KCNB2: variants seen among roughly 807,000 people sequenced by gnomAD.
KCNB2 encodes the protein potassium voltage-gated channel subfamily B member 2, also known as delayed rectifier potassium channel protein.
A neutral mutation model predicts 61.5 loss-of-function variants in KCNB2; 15 were observed. The ratio of observed to expected loss-of-function variants is 0.24; its 90% CI spans 0.16 to 0.38. The LOEUF (loss-of-function observed/expected upper bound fraction) is 0.38, where lower values mean the gene tolerates loss of function less well. KCNB2 is among the 10% of genes least tolerant of loss of function. KCNB2 has a pLI of 1.00. For missense variants in KCNB2, 828 were observed against 1,125.2 expected (o/e 0.74, Z 3.78); for synonymous variants, 457 against 446.0 (o/e 1.02, Z -0.31).
chr8:72,633,783 G>A (rs541466386), intron 2 of KCNB2, among the ~76,000 whole-genome samples: 5 of 152,256 alleles, frequency 3.3e-5, no homozygotes, highest in African/African-American at 1.2e-4. Context: ...ACAGCTGAAA[G>A]CATTTATACT....
rs1805944595 is a variant in KCNB2 at position 72,635,230 on chromosome 8, T to G, written c.579+66917T>G. ...CCAAACAAGCTTCCTCTTCCCCTTT[T>G]TGCAGTCGGCTGCAAATCCTGAAGG... On this transcript the variant is annotated intron_variant, in intron 2 of 2. Transcript: ENST00000523207. Among the ~76,000 whole-genome samples the G allele has an allele frequency of 2.0e-5, 3 of 152,182 alleles. No homozygotes were observed. The South Asian group carries it at 6.2e-4, about 31-fold the overall frequency.
At chr8:72,920,488 T>TATATATATATATATATA (rs57048446) in intron 2 of KCNB2, among the ~76,000 whole-genome samples, 6 of 137,248 alleles carry the variant, frequency 4.4e-5, no homozygotes, top group Admixed American at 1.5e-4. Flanking sequence ...TATATATATA[T>TATATATATATATATATA]TAGCTGGCCA....
intron 2 of KCNB2, among the ~76,000 whole-genome samples, chr8:72,748,850 T>C (rs1390014114): frequency 6.6e-6 from 1 of 152,156 alleles, no homozygotes; most frequent in Non-Finnish European, 1.5e-5. Flanking sequence ...ACCATTTTTT[T>C]GCAGTGAGAA....
intron 2 of KCNB2, among the ~76,000 whole-genome samples, chr8:72,903,233 A>C (rs760886306): frequency 4.6e-5 from 7 of 152,154 alleles, no homozygotes; most frequent in African/African-American, 7.2e-5. Flanking sequence ...TGGTAGCACT[A>C]GTAGGTGATT....
intron 2 of KCNB2, among the ~76,000 whole-genome samples, chr8:72,859,325 A>G (rs1282079622): frequency 1.3e-5 from 2 of 152,206 alleles, no homozygotes; most frequent in East Asian, 3.9e-4. Flanking sequence ...TAAGTTATCA[A>G]TACATTGATG....
chr8:72,700,211 G>A (rs528976938), intron 2 of KCNB2, among the ~76,000 whole-genome samples: 10 of 152,030 alleles, frequency 6.6e-5, no homozygotes, highest in Non-Finnish European at 1.5e-4. Context: ...GGGGGGCAAG[G>A]GGAGGGAGAC....
chr8:72,848,752 A>G (rs1397802315), intron 2 of KCNB2, among the ~76,000 whole-genome samples: 1 of 152,076 alleles, frequency 6.6e-6, no homozygotes, highest in Non-Finnish European at 1.5e-5. Flanking sequence ...TATTAAATTC[A>G]TTGATTAATT....
chr8:72,561,723 A>G (rs1052484365), intron 1 of KCNB2, among the ~76,000 whole-genome samples: 6,468 of 31,686 alleles, frequency 0.2, 1,192 homozygotes, highest in East Asian at 0.6. Flanking sequence ...ATATATATAT[A>G]TATATCTATA....
At chr8:72,718,456 C>T (rs1006877225) in intron 2 of KCNB2, among the ~76,000 whole-genome samples, 2 of 152,098 alleles carry the variant, frequency 1.3e-5, no homozygotes, top group African/African-American at 4.8e-5. Context: ...AAATGTGGCA[C>T]ATATACACCA....
chr8:72,750,787 T>C (rs1352613257), intron 2 of KCNB2: 1 of 152,160 alleles, frequency 6.6e-6, no homozygotes. Context: ...AATGGCTACA[T>C]GTACTTTCCT....
chr8:72,545,077 T>C (rs1246574635), intron 1 of KCNB2, among the ~76,000 whole-genome samples: 1 of 152,178 alleles, frequency 6.6e-6, no homozygotes, highest in Non-Finnish European at 1.5e-5. Flanking sequence ...TATTCTGCTC[T>C]CTGGCTACAG....
chr8:72,784,572 C>T (rs2128998191), intron 2 of KCNB2, among the ~76,000 whole-genome samples: 1 of 152,262 alleles, frequency 6.6e-6, no homozygotes, highest in Non-Finnish European at 1.5e-5. Flanking sequence ...ACATGTCCTT[C>T]TTCACATGAT....
chr8:72,814,407 G>C (rs1809356928), intron 2 of KCNB2, among the ~76,000 whole-genome samples: 1 of 152,080 alleles, frequency 6.6e-6, no homozygotes, highest in Non-Finnish European at 1.5e-5. Context: ...GCTTTTACAG[G>C]TACGACCAGT....
At chr8:72,673,777 G>C (rs1806604451) in intron 2 of KCNB2, among the ~76,000 whole-genome samples, 1 of 152,198 alleles carries the variant, frequency 6.6e-6, no homozygotes. Context: ...AATAGTAGTT[G>C]CCAGGGTCTG....
At chr8:72,801,450 T>A (rs1197926111) in intron 2 of KCNB2, among the ~76,000 whole-genome samples, 5 of 152,234 alleles carry the variant, frequency 3.3e-5, no homozygotes, top group Non-Finnish European at 7.3e-5. Flanking sequence ...CCTTTGAAGG[T>A]CAGATAGCAA....
chr8:72,564,699 A>G (rs1167368475), intron 1 of KCNB2, among the ~76,000 whole-genome samples: 3 of 152,218 alleles, frequency 2.0e-5, no homozygotes, highest in Non-Finnish European at 2.9e-5. Context: ...GTGGCGCCAA[A>G]GACAGATGCT....
chr8:72,596,638 AC>A (rs1359431684), intron 2 of KCNB2, among the ~76,000 whole-genome samples: 1 of 152,190 alleles, frequency 6.6e-6, no homozygotes, highest in African/African-American at 2.4e-5. Context: ...CTTACATTTT[AC>A]CTAATTTCAA....
At chr8:72,643,304 G>A (rs995069127) in intron 2 of KCNB2, among the ~76,000 whole-genome samples, 1 of 152,140 alleles carries the variant, frequency 6.6e-6, no homozygotes, top group Non-Finnish European at 1.5e-5. Flanking sequence ...TCACTGAGGA[G>A]GTATGGGATG....
intron 2 of KCNB2, among the ~76,000 whole-genome samples, chr8:72,805,497 T>C (rs1809204918): frequency 6.6e-6 from 1 of 152,220 alleles, no homozygotes; most frequent in Non-Finnish European, 1.5e-5. Context: ...AACATTATCT[T>C]AGACTATAAG....
Sources: gnomAD v4.1 joint callset for allele counts (sites outside exome capture counted in the v4.1 genomes callset) on GRCh38, gnomAD v4.1.1 for gene constraint, MANE v1.5 for transcripts, NCBI Gene and HGNC (gene_info 2026-07-23, HGNC 2026-07-21) for gene names.